The following DNM3 variants were observed in gnomAD, a reference collection of about 807,000 sequenced individuals.
DNM3 encodes the protein dynamin 3.
DNM3 carries 47 observed loss-of-function variants against 101.6 expected under a neutral mutation model. The ratio of observed to expected loss-of-function variants is 0.46; its 90% CI spans 0.37 to 0.59. DNM3 has a LOEUF of 0.59. Ranked by LOEUF, DNM3 falls within the 20% of genes least tolerant of loss-of-function variation. The pLI is 0.00. For synonymous variants in DNM3, 385 were observed against 387.9 expected (o/e 0.99, Z 0.09); for missense variants, 849 against 1,085.7 (o/e 0.78, Z 3.06).
At chr1:172,288,482 G>GA (rs1483583564) in intron 15 of DNM3, among the ~76,000 whole-genome samples, 1 of 152,164 alleles carries the variant, frequency 6.6e-6, no homozygotes, top group East Asian at 1.9e-4. Flanking sequence ...ATGCAGCAGG[G>GA]AACCACTGAA....
intron 12 of DNM3, among the ~76,000 whole-genome samples, chr1:172,088,139 G>A (rs1285422946): frequency 6.6e-6 from 1 of 152,204 alleles, no homozygotes; most frequent in East Asian, 1.9e-4. Context: ...TGATGAGAGA[G>A]GTAGAAATAC....
chr1:172,207,718 G>A (rs140345230), intron 14 of DNM3, among the ~76,000 whole-genome samples: 61 of 152,146 alleles, frequency 4.0e-4, no homozygotes, highest in African/African-American at 1.3e-3. Context: ...AAAGGTTGTC[G>A]TAGATATTTC....
chr1:171,902,964 G>A (rs1477430724), intron 1 of DNM3, among the ~76,000 whole-genome samples: 2 of 152,052 alleles, frequency 1.3e-5, no homozygotes, highest in African/African-American at 4.8e-5. Flanking sequence ...ACCAGCCTGG[G>A]CAGCATAGTG....
intron 1 of DNM3, among the ~76,000 whole-genome samples, chr1:171,910,968 A>G (rs1350533335): frequency 6.6e-6 from 1 of 152,210 alleles, no homozygotes; most frequent in Non-Finnish European, 1.5e-5. Flanking sequence ...AAGAGGCATT[A>G]GACAAAGGCT....
intron 6 of DNM3, among the ~76,000 whole-genome samples, chr1:172,034,801 CGGGGGAAGGCAGAGAAA>C (rs1319895140): frequency 6.6e-6 from 1 of 151,646 alleles, no homozygotes. Context: ...TTTTCACTGT[CGGGGGAAGGCAGAGAAA>C]GAGGTAGTGA....
intron 15 of DNM3, among the ~76,000 whole-genome samples, chr1:172,295,285 G>A (rs10911509): frequency 0.11 from 16,723 of 152,122 alleles, 1,022 homozygotes; most frequent in Middle Eastern, 0.16. Flanking sequence ...AATTTACAAC[G>A]GGGAAGTCCA....
chr1:172,148,400 G>A (rs960174438), intron 14 of DNM3, among the ~76,000 whole-genome samples: 9 of 150,770 alleles, frequency 6.0e-5, no homozygotes, highest in African/African-American at 1.7e-4. Flanking sequence ...TCAAATATTC[G>A]TCATGATAAT....
intron 13 of DNM3, among the ~76,000 whole-genome samples, chr1:172,098,344 GA>G (rs1355694559): frequency 6.6e-6 from 1 of 152,176 alleles, no homozygotes; most frequent in Non-Finnish European, 1.5e-5. Flanking sequence ...ATTTGCTTTT[GA>G]AAGAAGAGAA....
chr1:172,096,031 G>A (rs1277471758), intron 13 of DNM3, among the ~76,000 whole-genome samples: 1 of 152,146 alleles, frequency 6.6e-6, no homozygotes, highest in Non-Finnish European at 1.5e-5. Flanking sequence ...GAAGCCCACA[G>A]CTCAGCGGGG....
chr1:172,174,624 A>G (rs2059088405), intron 14 of DNM3, among the ~76,000 whole-genome samples: 1 of 151,646 alleles, frequency 6.6e-6, no homozygotes, highest in Non-Finnish European at 1.5e-5. Context: ...TTACTCTTTA[A>G]TATCACTTGT....
intron 12 of DNM3, among the ~76,000 whole-genome samples, chr1:172,089,241 C>A (rs1180620735): frequency 3.3e-5 from 5 of 152,098 alleles, no homozygotes; most frequent in Admixed American, 2.6e-4. Context: ...TTGTACCAGA[C>A]AAATTGTAGG....
At chr1:172,192,413 A>C (rs138027211) in intron 14 of DNM3, among the ~76,000 whole-genome samples, 10,407 of 149,968 alleles carry the variant, frequency 0.069, 432 homozygotes, top group East Asian at 0.13. Flanking sequence ...TTTAGGGTAC[A>C]TGTGCACATT....
At chr1:172,144,459 A>G (rs1263867009) in intron 14 of DNM3, 8 of 356,180 alleles carry the variant, frequency 2.2e-5, no homozygotes, top group Admixed American at 1.3e-4. Context: ...AACACTGGAT[A>G]TGAGATTCAA....
At chr1:172,029,655 C>T (rs926792137) in intron 4 of DNM3, among the ~76,000 whole-genome samples, 2 of 152,136 alleles carry the variant, frequency 1.3e-5, no homozygotes, top group Non-Finnish European at 2.9e-5. Flanking sequence ...ATTTAGAAAA[C>T]CCCATCGTCT....
chr1:172,238,651 G>T (rs1054922585), intron 14 of DNM3, among the ~76,000 whole-genome samples: 1 of 152,040 alleles, frequency 6.6e-6, no homozygotes, highest in African/African-American at 2.4e-5. Context: ...TCCCATTCAT[G>T]GTACCTGAAA....
At chr1:172,174,444 A>G (rs1192144077) in intron 14 of DNM3, among the ~76,000 whole-genome samples, 2 of 151,642 alleles carry the variant, frequency 1.3e-5, no homozygotes, top group Non-Finnish European at 3.0e-5. Flanking sequence ...AGACCAAAAA[A>G]CACTTTTTTC....
chr1:172,305,052 T>C (rs1010310878), intron 15 of DNM3, among the ~76,000 whole-genome samples: 1 of 152,120 alleles, frequency 6.6e-6, no homozygotes, highest in Non-Finnish European at 1.5e-5. Context: ...CTGAAGGCGA[T>C]AGAGACACAA....
intron 20 of DNM3, among the ~76,000 whole-genome samples, chr1:172,390,443 C>G (rs1255402543): frequency 6.6e-6 from 1 of 152,144 alleles, no homozygotes; most frequent in Admixed American, 6.5e-5. Context: ...GTTTTTCAGC[C>G]TCATCAGTAC....
chr1:171,930,963 G>A lies in DNM3; in HGVS notation c.235+9142G>A, dbSNP rs77987043. 4.3e-3 allele frequency among the ~76,000 whole-genome samples: 650 copies of A among 152,262 alleles called. 9 individuals are homozygous for A. The highest frequency in any genetic ancestry group is 0.015 in the African/African-American group (623 of 41,526). On this transcript the variant is annotated intron_variant, in intron 2 of 20. Transcript: ENST00000627582. ...CATCAAAAAGAGTATATCGCTTAGGGGGAGGTGTGGTGGCTCACACCTGTT... is the reference window on the plus strand; with the variant it reads ...CATCAAAAAGAGTATATCGCTTAGGAGGAGGTGTGGTGGCTCACACCTGTT...
Sources: allele counts gnomAD v4.1 joint callset (sites outside exome capture counted in the v4.1 genomes callset), GRCh38; gene constraint gnomAD v4.1.1; transcripts MANE v1.5; gene names NCBI Gene and HGNC (gene_info 2026-07-23, HGNC 2026-07-21).